KLF12: variants seen among roughly 807,000 people sequenced by gnomAD.
KLF12 encodes the protein Krueppel-like factor 12.
Under a neutral mutation model 37.8 loss-of-function variants are expected in KLF12, and 9 were observed. That is an observed-to-expected ratio of 0.24 (90% CI 0.14 to 0.42). The LOEUF (loss-of-function observed/expected upper bound fraction) is 0.42. Among genes scored for constraint, KLF12 ranks in the 10% least tolerant of loss-of-function variants. The pLI is 1.00. For missense variants in KLF12, 411 were observed against 516.0 expected, an observed-to-expected ratio of 0.80 and a Z score of 1.97; for synonymous variants, 208 against 202.1, an observed-to-expected ratio of 1.03 and a Z score of -0.25.
intron 3 of KLF12, among the ~76,000 whole-genome samples, chr13:73,861,353 G>A (rs1451604425): frequency 1.3e-5 from 2 of 152,166 alleles, no homozygotes; most frequent in South Asian, 2.1e-4. Flanking sequence ...TGCTTCCTGC[G>A]CAGTGAACTC....
At chr13:73,705,238 T>A (rs961636860) in intron 7 of KLF12, among the ~76,000 whole-genome samples, 5 of 152,326 alleles carry the variant, frequency 3.3e-5, no homozygotes, top group Middle Eastern at 3.4e-3. Context: ...TGGAGATTTT[T>A]AATTGAATTA....
intron 4 of KLF12, among the ~76,000 whole-genome samples, chr13:73,829,435 T>A (rs1884029654): frequency 6.6e-6 from 1 of 152,184 alleles, no homozygotes; most frequent in South Asian, 2.1e-4. Flanking sequence ...AGGATAAAAT[T>A]CAAGAGTTTT....
At position 73,876,164 on chromosome 13, in the gene KLF12, A is replaced by G. The variant is rs1353951927; in HGVS notation, c.124-29791T>C. On this transcript the variant is annotated intron_variant, in intron 3 of 7. Coordinates refer to ENST00000377669, the MANE Select transcript of KLF12 (RefSeq NM_007249.5). ...TACTCAGCTAAAATAAAAAAAAAAA[A>G]AAAAGGTTTTAGCTTGCTGAGTCCT... 1.1e-4 allele frequency among the ~76,000 whole-genome samples: 16 copies of G among 152,306 alleles called. No homozygotes were observed. The East Asian group carries it at 3.1e-3, about 29-fold the overall frequency.
At chr13:73,727,342 A>G (rs1876738432) in intron 6 of KLF12, among the ~76,000 whole-genome samples, 1 of 152,206 alleles carries the variant, frequency 6.6e-6, no homozygotes, top group Non-Finnish European at 1.5e-5. Context: ...ATTTAGATAC[A>G]TGATCAATTG....
chr13:74,203,906 G>A, the KLF12 span, among the ~76,000 whole-genome samples: 30 of 151,932 alleles, frequency 2.0e-4, no homozygotes, highest in Non-Finnish European at 3.8e-4. Flanking sequence ...GTATGTAAGC[G>A]GAGACTCAGA....
At chr13:73,746,989 G>C (rs896593651) in intron 6 of KLF12, among the ~76,000 whole-genome samples, 1 of 151,656 alleles carries the variant, frequency 6.6e-6, no homozygotes, top group Non-Finnish European at 1.5e-5. Context: ...TAATTTTTTT[G>C]TATTTTTAGT....
At position 73,846,086 on chromosome 13, in the gene KLF12, T is replaced by C. The variant is rs1451420934; in HGVS notation, c.411A>G (p.Ser137=). Residue 137 remains serine (S), a synonymous_variant, in exon 4 of 8, where the codon TCA becomes TCG. Transcript: ENST00000377669. ...CTGGAGTTAATACTGTTGACGAAGA[T>C]GACGCTGAAGATACTGATGTGATAA... is the stretch of plus-strand genomic sequence containing the variant. 2 of 1,614,072 alleles carry C rather than the reference T, an allele frequency of 1.2e-6. No individual in the cohort carries two copies. The highest frequency in any genetic ancestry group is 1.7e-6 in the Non-Finnish European group (2 of 1,180,014).
intron 6 of KLF12, among the ~76,000 whole-genome samples, chr13:73,738,494 A>G (rs1200546015): frequency 1.3e-5 from 2 of 151,966 alleles, no homozygotes; most frequent in African/African-American, 4.8e-5. Flanking sequence ...TTTTCCATGT[A>G]TTTTGTGAAA....
chr13:74,233,949 C>T, the KLF12 span, among the ~76,000 whole-genome samples: 1 of 152,114 alleles, frequency 6.6e-6, no homozygotes, highest in East Asian at 1.9e-4. Context: ...AAATGACATA[C>T]TTTGATATAA....
intron 3 of KLF12, among the ~76,000 whole-genome samples, chr13:73,860,101 C>T (rs6562785): frequency 0.97 from 148,289 of 152,280 alleles, 72,321 homozygotes; most frequent in East Asian, 1. Context: ...GTCTGGGTTG[C>T]GTTTTATATG....
At chr13:73,931,409 A>T (rs1292434181) in intron 3 of KLF12, among the ~76,000 whole-genome samples, 1 of 152,196 alleles carries the variant, frequency 6.6e-6, no homozygotes, top group African/African-American at 2.4e-5. Context: ...TAGAAATGTG[A>T]ATATACCCAA....
At chr13:74,296,266 C>T in the KLF12 span, among the ~76,000 whole-genome samples, 13 of 152,088 alleles carry the variant, frequency 8.5e-5, 1 homozygote, top group East Asian at 2.1e-3. Context: ...AACTGACATT[C>T]AGAAAAGTTA....
chr13:74,044,536 A>G (rs1320379614), intron 1 of KLF12, among the ~76,000 whole-genome samples: 1 of 152,174 alleles, frequency 6.6e-6, no homozygotes, highest in Admixed American at 6.5e-5. Flanking sequence ...GAGAGATACA[A>G]AAGTCAACTA....
intron 1 of KLF12, among the ~76,000 whole-genome samples, chr13:74,090,681 G>T (rs1875599578): frequency 6.6e-6 from 1 of 152,048 alleles, no homozygotes; most frequent in Non-Finnish European, 1.5e-5. Flanking sequence ...TCTGTCGCCT[G>T]TTTTTTGATT....
chr13:74,252,059 CA>C, the KLF12 span, among the ~76,000 whole-genome samples: 3 of 152,308 alleles, frequency 2.0e-5, no homozygotes, highest in Admixed American at 2.0e-4. Flanking sequence ...TTCTGATTCA[CA>C]AGGGCAGGCA....
rs545962719 is a variant in KLF12 at position 74,101,141 on chromosome 13, C to A, written c.-32+32598G>T. 3.9e-5 allele frequency among the ~76,000 whole-genome samples: 6 copies of A among 152,284 alleles called. No individual in the cohort carries two copies. The East Asian group carries it at 1.2e-3, about 29-fold the overall frequency. On this transcript the variant is annotated intron_variant, in intron 1 of 7. Transcript: ENST00000377669. ...CTTACCTTCCTATAGTCTGTTGCCA[C>A]CTCCCTGCAAGCCACGAGGAGCTCT... is the stretch of plus-strand genomic sequence containing the variant.
At chr13:74,176,090 T>A in the KLF12 span, among the ~76,000 whole-genome samples, 5 of 152,154 alleles carry the variant, frequency 3.3e-5, no homozygotes, top group Admixed American at 1.3e-4. Context: ...TTCTTGAAAT[T>A]GATTTAAACC....
At chr13:74,010,389 A>T (rs1892521614) in intron 1 of KLF12, among the ~76,000 whole-genome samples, 2 of 152,200 alleles carry the variant, frequency 1.3e-5, no homozygotes, top group African/African-American at 4.8e-5. Flanking sequence ...CAGAGTTCAG[A>T]GGCAATAATG....
chr13:73,956,066 G>A (rs750070193), intron 2 of KLF12, among the ~76,000 whole-genome samples: 3 of 151,940 alleles, frequency 2.0e-5, no homozygotes, highest in Non-Finnish European at 4.4e-5. Context: ...ATTCTAAAAC[G>A]TACCACAATA....
Sources: gnomAD v4.1 joint callset for allele counts (sites outside exome capture counted in the v4.1 genomes callset) on GRCh38, gnomAD v4.1.1 for gene constraint, MANE v1.5 for transcripts, NCBI Gene and HGNC (gene_info 2026-07-23, HGNC 2026-07-21) for gene names.